Variants in C10orf90 observed in about 807,000 individuals in gnomAD.
C10orf90 encodes the protein (E2-independent) E3 ubiquitin-conjugating enzyme FATS.
C10orf90 carries 56 observed loss-of-function variants against 62.5 expected under a neutral mutation model. That is an observed-to-expected ratio of 0.90 (90% CI 0.72 to 1.12). C10orf90 has a LOEUF of 1.12. Ranked by LOEUF, C10orf90 falls within the 50% of genes most tolerant of loss-of-function variation. The pLI is 0.00. For missense variants in C10orf90, 970 were observed against 880.4 expected (o/e 1.10, Z -1.29); for synonymous variants, 386 against 340.4 (o/e 1.13, Z -1.47).
intron 7 of C10orf90, among the ~76,000 whole-genome samples, chr10:126,446,750 G>A (rs1016069644): frequency 6.6e-6 from 1 of 152,030 alleles, no homozygotes; most frequent in African/African-American, 2.4e-5. Context: ...ATAGTGTAAT[G>A]GTCAGATAAA....
intron 2 of C10orf90, among the ~76,000 whole-genome samples, chr10:126,529,390 A>C (rs1380817437): frequency 6.6e-6 from 1 of 152,234 alleles, no homozygotes; most frequent in Non-Finnish European, 1.5e-5. Context: ...TTACTGTAAT[A>C]ATTTCTGATC....
At chr10:126,490,505 G>A (rs1379632898) in intron 4 of C10orf90, among the ~76,000 whole-genome samples, 1 of 151,916 alleles carries the variant, frequency 6.6e-6, no homozygotes, top group Non-Finnish European at 1.5e-5. Flanking sequence ...GCGTTTAATG[G>A]GTATGTGGAG....
At chr10:126,550,099 G>T (rs570390577) in intron 2 of C10orf90, among the ~76,000 whole-genome samples, 1 of 152,076 alleles carries the variant, frequency 6.6e-6, no homozygotes, top group East Asian at 1.9e-4. Context: ...GGGATTACAG[G>T]CACCCGCCAC....
rs867981264 is a variant in C10orf90 at position 126,565,281 on chromosome 10, T to C, written c.314-51342A>G. On this transcript the variant is annotated intron_variant, in intron 2 of 9. Coordinates refer to ENST00000488181, the MANE Select transcript of C10orf90 (RefSeq NM_001350921.2). ...TATATATTTATATTATATATTATAT[T>C]ATATATTATATATTTATATTATATA... is the stretch of plus-strand genomic sequence containing the variant. Among the ~76,000 whole-genome samples the C allele has an allele frequency of 2.1e-3, 122 of 59,220 alleles. 1 individual carries two copies. Among genetic ancestry groups the C allele is most frequent in the African/African-American group, 7.6e-3 (119 of 15,738 alleles). The allele number at this position is 59,220 out of a possible 152,430, so 38.9% of individuals were successfully genotyped here.
chr10:126,562,892 G>C (rs181798325), intron 2 of C10orf90, among the ~76,000 whole-genome samples: 7 of 152,338 alleles, frequency 4.6e-5, no homozygotes, highest in African/African-American at 1.7e-4. Flanking sequence ...CAGAGACCAA[G>C]ATTCCCAGAG....
intron 4 of C10orf90, among the ~76,000 whole-genome samples, chr10:126,488,778 C>T (rs1218561249): frequency 6.6e-6 from 1 of 151,930 alleles, no homozygotes; most frequent in African/African-American, 2.4e-5. Context: ...CAGAAGATTG[C>T]CAAAACAGAC....
chr10:126,462,702 G>A (rs1860064832), intron 5 of C10orf90, among the ~76,000 whole-genome samples: 1 of 152,168 alleles, frequency 6.6e-6, no homozygotes. Context: ...GCCTTCTGGA[G>A]GCTCACCTGT....
At chr10:126,565,436 A>ATATATATTATATATAT (rs1355757172) in intron 2 of C10orf90, among the ~76,000 whole-genome samples, 37 of 11,726 alleles carry the variant, frequency 3.2e-3, no homozygotes, top group Non-Finnish European at 7.4e-3. Flanking sequence ...TATATATATT[A>ATATATATTATATATAT]TACACACACA....
intron 1 of C10orf90, among the ~76,000 whole-genome samples, chr10:126,657,608 CTTTT>C (rs71488508): frequency 7.1e-6 from 1 of 141,510 alleles, no homozygotes; most frequent in African/African-American, 2.6e-5. Context: ...AATACTTTGT[CTTTT>C]TTTTTTTCTT....
chr10:126,546,422 C>A (rs1055245918), intron 2 of C10orf90, among the ~76,000 whole-genome samples: 2 of 152,156 alleles, frequency 1.3e-5, no homozygotes, highest in African/African-American at 4.8e-5. Flanking sequence ...CCCCACCCAG[C>A]AGTAAGGAGG....
chr10:126,478,977 C>T (rs1861038074), intron 4 of C10orf90, among the ~76,000 whole-genome samples: 1 of 152,196 alleles, frequency 6.6e-6, no homozygotes, highest in South Asian at 2.1e-4. Flanking sequence ...CATACTCTCT[C>T]TTCTCACCTT....
intron 4 of C10orf90, among the ~76,000 whole-genome samples, chr10:126,483,408 T>C (rs1354214554): frequency 6.6e-6 from 1 of 152,226 alleles, no homozygotes; most frequent in African/African-American, 2.4e-5. Context: ...AATTATATCA[T>C]GTGAAAAATC....
intron 4 of C10orf90, among the ~76,000 whole-genome samples, chr10:126,475,890 GT>G (rs1389018556): frequency 6.6e-6 from 1 of 152,094 alleles, no homozygotes. Context: ...TTTCTAATAT[GT>G]TTTTTTGATA....
intron 1 of C10orf90, among the ~76,000 whole-genome samples, chr10:126,658,884 C>T (rs1212837071): frequency 6.6e-6 from 1 of 152,192 alleles, no homozygotes; most frequent in Non-Finnish European, 1.5e-5. Flanking sequence ...TGAGCCATTG[C>T]TCCTAGCCCT....
intron 7 of C10orf90, among the ~76,000 whole-genome samples, chr10:126,437,563 G>T (rs1858005109): frequency 5.3e-5 from 8 of 152,120 alleles, no homozygotes; most frequent in Admixed American, 5.2e-4. Context: ...AGGAAGTATT[G>T]CCAGATAAAA....
intron 5 of C10orf90, chr10:126,463,167 AT>A (rs964504296): frequency 1.3e-5 from 2 of 152,170 alleles, no homozygotes; most frequent in Non-Finnish European, 2.9e-5. Flanking sequence ...GGAAGCCACA[AT>A]TTCTCTGCCT....
intron 2 of C10orf90, among the ~76,000 whole-genome samples, chr10:126,608,165 G>A (rs1449673389): frequency 6.6e-6 from 1 of 152,190 alleles, no homozygotes; most frequent in Non-Finnish European, 1.5e-5. Flanking sequence ...CTGGAGTGCA[G>A]TGGTGCCATC....
chr10:126,491,213 G>A (rs1369045296), intron 4 of C10orf90, among the ~76,000 whole-genome samples: 3 of 152,182 alleles, frequency 2.0e-5, no homozygotes, highest in Non-Finnish European at 4.4e-5. Flanking sequence ...ATTAGCCTGA[G>A]TGAAAGAAAT....
chr10:126,571,398 G>A (rs957930368), intron 2 of C10orf90, among the ~76,000 whole-genome samples: 6 of 152,180 alleles, frequency 3.9e-5, no homozygotes, highest in East Asian at 1.9e-4. Flanking sequence ...CAGCGCAGTT[G>A]GGAACCTGCA....
Sources: allele counts gnomAD v4.1 joint callset (sites outside exome capture counted in the v4.1 genomes callset), GRCh38; gene constraint gnomAD v4.1.1; transcripts MANE v1.5; gene names NCBI Gene and HGNC (gene_info 2026-07-23, HGNC 2026-07-21).